The following USP20 variants were observed in gnomAD, a reference collection of about 807,000 sequenced individuals.
USP20 encodes ubiquitin specific peptidase 20, also known as ubiquitin carboxyl-terminal hydrolase 20.
Under a neutral mutation model 124.2 loss-of-function variants are expected in USP20, and 80 were observed. That is an observed-to-expected ratio of 0.64 (90% CI 0.54 to 0.78). The LOEUF (loss-of-function observed/expected upper bound fraction) is 0.78. Among genes scored for constraint, USP20 ranks in the 30% least tolerant of loss-of-function variants. USP20 has a pLI of 0.00. For missense variants in USP20, 1,043 were observed against 1,244.4 expected, an observed-to-expected ratio of 0.84 and a Z score of 2.44; for synonymous variants, 481 against 512.3, an observed-to-expected ratio of 0.94 and a Z score of 0.83.
Position 129,859,254 on chromosome 9 carries a change from CATTTA to C in USP20, c.330+657_330+661del, listed in dbSNP as rs2033383560. 8.9e-5 allele frequency among the ~76,000 whole-genome samples: 6 copies of C among 67,092 alleles called. 1 individual carries two copies. In the East Asian group the frequency reaches 1.3e-3, roughly 14 times the overall value. 44.0% of individuals were successfully genotyped at this position (67,092 alleles called of 152,430 possible). On this transcript the variant is annotated intron_variant, in intron 6 of 25. Transcript: ENST00000372429. ...GCAGCATCTGCATGGCTCTCTCCTC[CATTTA>C]TTTTATTTTATTTTATTTTATTTTA... is the stretch of plus-strand genomic sequence containing the variant.
chr9:129,872,605 A>G (rs1024194844), intron 15 of USP20, among the ~76,000 whole-genome samples: 1 of 152,140 alleles, frequency 6.6e-6, no homozygotes, highest in South Asian at 2.1e-4. Flanking sequence ...GCCAGATCCA[A>G]TGTCATGAAA....
At chr9:129,846,954 T>C (rs984204264) in intron 1 of USP20, among the ~76,000 whole-genome samples, 1 of 152,172 alleles carries the variant, frequency 6.6e-6, no homozygotes, top group African/African-American at 2.4e-5. Flanking sequence ...TAGGTGTCTT[T>C]AGGGTTCATG....
chr9:129,880,096 C>T lies in USP20; in HGVS notation c.2585-17C>T. ...GGAGGCAAAGGTGAGCCTAGGGGTG[C>T]CTCTCGTGCCCTGCAGGAGCTGACT... On this transcript the variant is annotated splice_polypyrimidine_tract_variant and intron_variant, in intron 24 of 25. Coordinates refer to ENST00000372429, the MANE Select transcript of USP20 (RefSeq NM_001110303.4). 1 of 1,611,168 alleles carries T rather than the reference C, an allele frequency of 6.2e-7. No homozygotes were observed. The highest frequency in any genetic ancestry group is 8.5e-7 in the Non-Finnish European group (1 of 1,178,004).
Position 129,881,566 on chromosome 9 carries a change from G to A in USP20, c.*1116G>A, listed in dbSNP as rs915649875. The stretch of plus-strand genomic sequence containing the variant: ...ATCAGTCTTTGTAGAAGCAGGTGGT[G>A]GTGGAAATTCCAGCAGGTGGGTCCC... On this transcript the variant is annotated 3_prime_UTR_variant, in exon 26 of 26. Transcript: ENST00000372429. 6.6e-6 allele frequency: 1 copy of A among 152,238 alleles called. No individual in the cohort carries two copies. The highest frequency in any genetic ancestry group is 2.4e-5 in the African/African-American group (1 of 41,462). The allele number at this position is 152,238 out of a possible 1,614,324, so 9.4% of individuals were successfully genotyped here. A position where few individuals can be genotyped will look rare whatever the true frequency, so the allele number is the denominator to read the frequency against.
At chr9:129,837,106 A>C (rs2031901606) in intron 1 of USP20, among the ~76,000 whole-genome samples, 2 of 152,180 alleles carry the variant, frequency 1.3e-5, no homozygotes, top group Non-Finnish European at 2.9e-5. Context: ...GCTGTGGCAG[A>C]TCTAATTGAG....
At chr9:129,878,193 G>T (rs980512653) in intron 22 of USP20, 145 bp from the exon 23 acceptor site, 9 of 671,996 alleles carry the variant, frequency 1.3e-5, no homozygotes, top group Non-Finnish European at 2.4e-5. Context: ...CTTGTCTGGG[G>T]GTTTGATTTT....
chr9:129,840,237 T>C (rs906924856), intron 1 of USP20, among the ~76,000 whole-genome samples: 2 of 152,198 alleles, frequency 1.3e-5, no homozygotes, highest in African/African-American at 2.4e-5. Flanking sequence ...TCCATATATT[T>C]GCACAGAGGC....
At chr9:129,878,601 C>A (rs1212799292) in intron 23 of USP20, among the ~76,000 whole-genome samples, 161 bp downstream of exon 23, 5 of 152,172 alleles carry the variant, frequency 3.3e-5, no homozygotes, top group Non-Finnish European at 5.9e-5. Context: ...CTTTGCCAGT[C>A]CCCAGTGGGG....
intron 1 of USP20, among the ~76,000 whole-genome samples, chr9:129,836,567 A>T (rs1432715717): frequency 6.6e-6 from 1 of 151,772 alleles, no homozygotes; most frequent in African/African-American, 2.4e-5. Context: ...GGAGGGGCCG[A>T]TGGGGGCTGT....
Position 129,861,594 on chromosome 9 carries a change from T to G in USP20, c.479T>G (p.Leu160Arg). Residue 160 changes from leucine to arginine, a missense_variant, in exon 8 of 26, where the codon CTG (leucine) becomes CGG (arginine). Coordinates refer to ENST00000372429, the MANE Select transcript of USP20 (RefSeq NM_001110303.4). ...AACTCCTGCTACATGAACGCTGCCC[T>G]GCAGGCCCTGTCCAATTGGTAGGTC... ...LGNSCYMNAA[L>R]QALSNCPPLT... 1 of 1,614,108 alleles carries G rather than the reference T, an allele frequency of 6.2e-7. No homozygotes were observed.
Position 129,863,264 on chromosome 9 carries a change from C to T in USP20, c.576C>T (p.Tyr192=). The T allele has an allele frequency of 6.4e-7, 1 of 1,550,940 alleles. No individual in the cohort carries two copies. The highest frequency in any genetic ancestry group is 1.7e-4 in the Middle Eastern group (1 of 5,982). ...TDKKPALCKS[Y]QKLVSEVWHK... The stretch of plus-strand genomic sequence containing the variant: ...AGAAGCCAGCCCTGTGCAAGAGCTA[C>T]CAGAAGCTGGTCTCTGAGGTCTGGC... Residue 192 remains tyrosine (Y), a synonymous_variant, in exon 9 of 26, where the codon TAC becomes TAT. Transcript: ENST00000372429.
chr9:129,855,559 C>T (rs1225548095), intron 3 of USP20, among the ~76,000 whole-genome samples: 1 of 152,184 alleles, frequency 6.6e-6, no homozygotes, highest in African/African-American at 2.4e-5. Flanking sequence ...TGCTTCAGCT[C>T]CTGCCATCAC....
intron 2 of USP20, 75 bp from the exon 3 acceptor site, chr9:129,852,465 A>T (rs900832174): frequency 1.6e-5 from 22 of 1,360,912 alleles, no homozygotes; most frequent in Non-Finnish European, 2.2e-5. Context: ...AAAGTCATGT[A>T]CTTAACCACT....
intron 2 of USP20, among the ~76,000 whole-genome samples, chr9:129,850,840 G>C (rs1047036531): frequency 2.6e-5 from 4 of 152,084 alleles, no homozygotes; most frequent in African/African-American, 9.7e-5. Context: ...TTTTAGTAGA[G>C]ACGGGATTTC....
intron 1 of USP20, among the ~76,000 whole-genome samples, chr9:129,847,398 G>A (rs533333282): frequency 2.6e-5 from 4 of 151,150 alleles, no homozygotes; most frequent in Non-Finnish European, 4.4e-5. Flanking sequence ...CGCCTCCCAG[G>A]TTCAAGTGAT....
At chr9:129,858,698 A>G in intron 6 of USP20, 100 bp downstream of exon 6, 1 of 1,522,494 alleles carries the variant, frequency 6.6e-7, no homozygotes, top group Non-Finnish European at 8.8e-7. Flanking sequence ...AGTAGGTCCC[A>G]GAGGTGTCTG....
chr9:129,860,089 G>A (rs937955029), intron 6 of USP20, among the ~76,000 whole-genome samples: 4 of 151,954 alleles, frequency 2.6e-5, no homozygotes, highest in Non-Finnish European at 5.9e-5. Flanking sequence ...CCAGCACTTT[G>A]GGAGGCCGAG....
At chr9:129,853,929 C>T (rs1306634868) in intron 3 of USP20, among the ~76,000 whole-genome samples, 2 of 152,096 alleles carry the variant, frequency 1.3e-5, no homozygotes, top group Non-Finnish European at 2.9e-5. Context: ...TCAGAGATCA[C>T]AACTTCAGCT....
At chr9:129,870,189 G>T (rs990368185) in intron 14 of USP20, 2 of 567,368 alleles carry the variant, frequency 3.5e-6, no homozygotes, top group African/African-American at 1.9e-5. Context: ...CCAGAGACCC[G>T]CATGACCCCA....
Sources: allele counts gnomAD v4.1 joint callset (sites outside exome capture counted in the v4.1 genomes callset), GRCh38; gene constraint gnomAD v4.1.1; transcripts MANE v1.5; gene names NCBI Gene and HGNC (gene_info 2026-07-23, HGNC 2026-07-21).